The following SLC24A2 variants were observed in gnomAD, a reference collection of about 807,000 sequenced individuals.
SLC24A2 encodes solute carrier family 24 member 2.
Under a neutral mutation model 62.0 loss-of-function variants are expected in SLC24A2, and 36 were observed. That is an observed-to-expected ratio of 0.58 (90% CI 0.44 to 0.77). SLC24A2 has a LOEUF of 0.77. Ranked by LOEUF, SLC24A2 falls within the 30% of genes least tolerant of loss-of-function variation. SLC24A2 has a pLI of 0.00. For missense variants in SLC24A2, 846 were observed against 817.9 expected (o/e 1.03, Z -0.42); for synonymous variants, 358 against 294.0 (o/e 1.22, Z -2.23).
chr9:19,604,447 G>C (rs1219805929), intron 4 of SLC24A2, among the ~76,000 whole-genome samples: 2 of 152,168 alleles, frequency 1.3e-5, no homozygotes, highest in African/African-American at 4.8e-5. Context: ...AGAACAACTT[G>C]GATATACTCC....
the SLC24A2 span, among the ~76,000 whole-genome samples, chr9:20,205,561 G>T: frequency 6.9e-6 from 1 of 145,462 alleles, no homozygotes; most frequent in African/African-American, 2.5e-5. Context: ...TGAGGCAGGA[G>T]ATTGGTGTGA....
chr9:19,535,163 G>A (rs544146276), intron 8 of SLC24A2, among the ~76,000 whole-genome samples: 22 of 152,144 alleles, frequency 1.4e-4, no homozygotes, highest in East Asian at 5.8e-4. Context: ...CGTCTTTTGA[G>A]AAGTGTGTCT....
chr9:19,943,020 AATT>A, the SLC24A2 span, among the ~76,000 whole-genome samples: 3 of 152,144 alleles, frequency 2.0e-5, no homozygotes, highest in African/African-American at 4.8e-5. Flanking sequence ...AAGCTGAAGA[AATT>A]ATTGTTGATC....
intron 5 of SLC24A2, among the ~76,000 whole-genome samples, chr9:19,590,276 A>T (rs1836511269): frequency 6.6e-6 from 1 of 152,152 alleles, no homozygotes; most frequent in African/African-American, 2.4e-5. Context: ...TCATATCCAG[A>T]TGGCCCTGAA....
chr9:19,699,874 G>T (rs965996678), intron 2 of SLC24A2, among the ~76,000 whole-genome samples: 1 of 151,818 alleles, frequency 6.6e-6, no homozygotes, highest in African/African-American at 2.4e-5. Context: ...CTCCTGACTG[G>T]TTTCAGGACA....
the SLC24A2 span, among the ~76,000 whole-genome samples, chr9:20,159,509 A>G: frequency 6.6e-6 from 1 of 151,692 alleles, no homozygotes; most frequent in African/African-American, 2.4e-5. Context: ...GGACTGATAG[A>G]GCATATAACA....
chr9:19,596,398 T>C (rs1275697875), intron 5 of SLC24A2, among the ~76,000 whole-genome samples: 1 of 152,210 alleles, frequency 6.6e-6, no homozygotes, highest in Non-Finnish European at 1.5e-5. Context: ...ACAAATATTA[T>C]ATATTTTTAA....
chr9:20,269,869 G>T, the SLC24A2 span, among the ~76,000 whole-genome samples: 1 of 152,118 alleles, frequency 6.6e-6, no homozygotes, highest in Non-Finnish European at 1.5e-5. Flanking sequence ...AGTCTGTTTT[G>T]TGTTGCTATA....
At chr9:19,951,262 G>A in the SLC24A2 span, among the ~76,000 whole-genome samples, 5 of 142,430 alleles carry the variant, frequency 3.5e-5, no homozygotes, top group Non-Finnish European at 7.7e-5. Flanking sequence ...GTGTGTGTGT[G>A]TTTTAACATA....
At chr9:19,908,622 C>G in the SLC24A2 span, among the ~76,000 whole-genome samples, 1 of 152,120 alleles carries the variant, frequency 6.6e-6, no homozygotes, top group Non-Finnish European at 1.5e-5. Flanking sequence ...CTACAATGAA[C>G]TCAAACAAAT....
the SLC24A2 span, among the ~76,000 whole-genome samples, chr9:19,900,830 G>A: frequency 1.3e-5 from 2 of 152,096 alleles, no homozygotes; most frequent in Non-Finnish European, 1.5e-5. Flanking sequence ...ACAATTTTGG[G>A]AAATATGCTC....
chr9:19,859,367 GAGA>G, the SLC24A2 span, among the ~76,000 whole-genome samples: 1 of 152,102 alleles, frequency 6.6e-6, no homozygotes. Context: ...TGGGAAAAGG[GAGA>G]AGATTAAAAA....
At chr9:20,192,779 T>G in the SLC24A2 span, among the ~76,000 whole-genome samples, 1 of 152,158 alleles carries the variant, frequency 6.6e-6, no homozygotes, top group Non-Finnish European at 1.5e-5. Flanking sequence ...GCTCCTTGAT[T>G]AATTCCAACA....
At chr9:20,107,594 A>C in the SLC24A2 span, among the ~76,000 whole-genome samples, 4 of 152,206 alleles carry the variant, frequency 2.6e-5, no homozygotes, top group East Asian at 7.7e-4. Flanking sequence ...AGCAATGGGG[A>C]AAGGATTCCC....
the SLC24A2 span, among the ~76,000 whole-genome samples, chr9:20,129,814 G>T: frequency 1.3e-5 from 2 of 152,080 alleles, no homozygotes. Flanking sequence ...AGAGTGAAAG[G>T]CTTCCTTTGG....
intron 2 of SLC24A2, among the ~76,000 whole-genome samples, chr9:19,646,291 A>T (rs1029371924): frequency 1.3e-5 from 2 of 152,234 alleles, no homozygotes; most frequent in African/African-American, 4.8e-5. Context: ...CTCCCCTCGA[A>T]GAAAATCTGA....
the SLC24A2 span, among the ~76,000 whole-genome samples, chr9:20,012,638 C>A: frequency 6.6e-6 from 1 of 151,876 alleles, no homozygotes; most frequent in Admixed American, 6.6e-5. Context: ...ATAAAAGATC[C>A]AAAGATCCCC....
chr9:19,597,344 A>G (rs1244316690), intron 4 of SLC24A2, 65 bp from the exon 5 acceptor site: 28 of 1,085,800 alleles, frequency 2.6e-5, no homozygotes, highest in South Asian at 2.0e-4. Context: ...CTTTGTTTTT[A>G]CACATTTTTA....
chr9:19,637,807 T>C (rs1818397343), intron 2 of SLC24A2, among the ~76,000 whole-genome samples: 1 of 152,172 alleles, frequency 6.6e-6, no homozygotes, highest in African/African-American at 2.4e-5. Flanking sequence ...GTTGGTAAAA[T>C]GCCATTTCCC....
Sources: allele counts gnomAD v4.1 joint callset (sites outside exome capture counted in the v4.1 genomes callset), GRCh38; gene constraint gnomAD v4.1.1; transcripts MANE v1.5; gene names NCBI Gene and HGNC (gene_info 2026-07-23, HGNC 2026-07-21).